Variants in PTPRT observed in about 807,000 individuals in gnomAD.
PTPRT encodes the protein receptor-type tyrosine-protein phosphatase T.
In PTPRT, 56 loss-of-function variants were observed where a neutral mutation model predicts 176.8. That is an observed-to-expected ratio of 0.32 (90% CI 0.26 to 0.40). PTPRT has a LOEUF of 0.40. Ranked by LOEUF, PTPRT falls within the 10% of genes least tolerant of loss-of-function variation. PTPRT has a pLI of 1.00. For missense variants in PTPRT, 1,540 were observed against 1,908.2 expected, an observed-to-expected ratio of 0.81 and a Z score of 3.60; for synonymous variants, 783 against 739.0, an observed-to-expected ratio of 1.06 and a Z score of -0.96.
In PTPRT at chr20:42,514,340, T is replaced by C. The variant is rs114020487; in HGVS notation, c.1154-41778A>G. Among the ~76,000 whole-genome samples, 444 of 152,346 alleles carry C rather than the reference T, an allele frequency of 2.9e-3. 4 individuals are homozygous for C. Among genetic ancestry groups the C allele is most frequent in the African/African-American group, 9.6e-3 (401 of 41,576 alleles). On this transcript the variant is annotated intron_variant, in intron 7 of 30. Transcript: ENST00000373187. ...TGGGATATGAAGTCATATCACCTAG[T>C]ACTTTTAATATCTGTTTCTAAGATT...
intron 6 of PTPRT, among the ~76,000 whole-genome samples, chr20:42,720,636 A>T (rs949355855): frequency 3.9e-5 from 6 of 152,196 alleles, no homozygotes; most frequent in Admixed American, 2.6e-4. Flanking sequence ...CATTATCAAA[A>T]TGTGGCTCCT....
At chr20:42,736,547 A>G (rs937574968) in intron 6 of PTPRT, among the ~76,000 whole-genome samples, 1 of 152,198 alleles carries the variant, frequency 6.6e-6, no homozygotes, top group Non-Finnish European at 1.5e-5. Context: ...CCATAACCTA[A>G]TGAACTTGGC....
intron 16 of PTPRT, among the ~76,000 whole-genome samples, chr20:42,167,932 C>A (rs1323308107): frequency 1.3e-5 from 2 of 152,256 alleles, no homozygotes; most frequent in Non-Finnish European, 1.5e-5. Flanking sequence ...AACTTAACTA[C>A]TAATAGCCTA....
chr20:43,020,391 G>A (rs182989217), intron 1 of PTPRT, among the ~76,000 whole-genome samples: 1 of 152,074 alleles, frequency 6.6e-6, no homozygotes, highest in African/African-American at 2.4e-5. Context: ...TAGGGAAACA[G>A]ACCTAGAGGC....
intron 1 of PTPRT, among the ~76,000 whole-genome samples, chr20:43,129,462 C>A (rs1178773904): frequency 6.6e-6 from 1 of 152,130 alleles, no homozygotes; most frequent in African/African-American, 2.4e-5. Flanking sequence ...CACACCCTTT[C>A]TGAGCCCACA....
At position 42,076,726 on chromosome 20, in the gene PTPRT, C is replaced by A; in HGVS notation, c.*4153G>T. Reference sequence around the variant, plus strand: ...GAACAGAACAGAACAACATGAGGAACAGAGCACATTTTTTTTTGAAATATT... The same window carrying A: ...GAACAGAACAGAACAACATGAGGAAAAGAGCACATTTTTTTTTGAAATATT... On this transcript the variant is annotated 3_prime_UTR_variant, in exon 31 of 31. Coordinates refer to ENST00000373187, the MANE Select transcript of PTPRT (RefSeq NM_007050.6). 1 of 200,558 alleles carries A rather than the reference C, an allele frequency of 5.0e-6. No homozygotes were observed. The highest frequency in any genetic ancestry group is 7.6e-5 in the East Asian group (1 of 13,162). 12.4% of individuals were successfully genotyped at this position (200,558 alleles called of 1,614,324 possible). A position where few individuals can be genotyped will look rare whatever the true frequency, so the allele number is the denominator to read the frequency against.
At chr20:42,765,149 G>A (rs902174048) in intron 5 of PTPRT, among the ~76,000 whole-genome samples, 1 of 152,178 alleles carries the variant, frequency 6.6e-6, no homozygotes, top group Non-Finnish European at 1.5e-5. Context: ...TGCACAGGGC[G>A]TTTGGACACA....
intron 2 of PTPRT, among the ~76,000 whole-genome samples, chr20:42,821,466 G>A (rs2077892664): frequency 6.6e-6 from 1 of 152,144 alleles, no homozygotes. Flanking sequence ...TATTGAACGG[G>A]CAAAAGCTGG....
intron 2 of PTPRT, among the ~76,000 whole-genome samples, chr20:42,838,720 G>A (rs1407930441): frequency 6.6e-6 from 1 of 152,200 alleles, no homozygotes; most frequent in African/African-American, 2.4e-5. Context: ...CTTCTCTGTG[G>A]AGGGTATCTC....
At chr20:42,401,293 CCT>C (rs2058904857) in intron 9 of PTPRT, among the ~76,000 whole-genome samples, 1 of 151,892 alleles carries the variant, frequency 6.6e-6, no homozygotes, top group African/African-American at 2.4e-5. Flanking sequence ...CTGAATATTC[CCT>C]GACAAGATAA....
At chr20:42,477,562 C>T (rs554505498) in intron 7 of PTPRT, among the ~76,000 whole-genome samples, 309 of 152,256 alleles carry the variant, frequency 2.0e-3, no homozygotes, top group African/African-American at 7.2e-3. Context: ...CTGGGGTTTA[C>T]ATTCGGGTTG....
At chr20:42,868,785 A>T (rs148611598) in intron 2 of PTPRT, among the ~76,000 whole-genome samples, 29 of 152,330 alleles carry the variant, frequency 1.9e-4, no homozygotes, top group African/African-American at 7.0e-4. Flanking sequence ...CTCTCATCAC[A>T]GGCCCAGAAT....
chr20:42,810,467 G>A (rs1296892282), intron 2 of PTPRT, among the ~76,000 whole-genome samples: 1 of 152,142 alleles, frequency 6.6e-6, no homozygotes, highest in Non-Finnish European at 1.5e-5. Flanking sequence ...CTCACCCCAC[G>A]GCTATGGGAC....
intron 18 of PTPRT, among the ~76,000 whole-genome samples, chr20:42,130,462 T>C (rs901336074): frequency 2.6e-5 from 4 of 152,178 alleles, no homozygotes; most frequent in African/African-American, 9.7e-5. Context: ...CCCTTTCTCC[T>C]TCTCTCCAAT....
chr20:42,829,956 T>C (rs933641659), intron 2 of PTPRT, among the ~76,000 whole-genome samples: 10 of 152,048 alleles, frequency 6.6e-5, no homozygotes, highest in African/African-American at 2.2e-4. Flanking sequence ...TGGTAATAAA[T>C]AGTCTACCAA....
rs1406742319 is a variant in PTPRT at position 42,075,796 on chromosome 20, AT to A, written c.*5082del. The A allele has an allele frequency of 4.9e-6, 1 of 202,856 alleles. No individual in the cohort carries two copies. The highest frequency in any genetic ancestry group is 1.0e-5 in the Non-Finnish European group (1 of 98,888). 12.6% of individuals were successfully genotyped at this position (202,856 alleles called of 1,614,324 possible). A position where few individuals can be genotyped will look rare whatever the true frequency, so the allele number is the denominator to read the frequency against. On this transcript the variant is annotated 3_prime_UTR_variant, in exon 31 of 31. Transcript: ENST00000373187. The stretch of plus-strand genomic sequence containing the variant: ...ACTTACAGCAAGAGCTAGTGTGGCA[AT>A]GGGGAGTGGAGGATGAATAAACATG...
chr20:42,473,046 C>A (rs1487914450), intron 7 of PTPRT, among the ~76,000 whole-genome samples: 3 of 152,204 alleles, frequency 2.0e-5, no homozygotes, highest in Non-Finnish European at 2.9e-5. Context: ...TAGCTGGAAA[C>A]TGAGTCACAG....
intron 7 of PTPRT, among the ~76,000 whole-genome samples, chr20:42,655,229 C>T (rs1187379847): frequency 2.0e-5 from 3 of 152,216 alleles, no homozygotes; most frequent in Non-Finnish European, 4.4e-5. Context: ...GTGGCTCACG[C>T]CTGTAATCCC....
chr20:42,902,422 T>A (rs2079417848), intron 1 of PTPRT, among the ~76,000 whole-genome samples: 1 of 152,114 alleles, frequency 6.6e-6, no homozygotes. Flanking sequence ...TGACCTGGCT[T>A]AAAGCAGCTC....
Sources: gnomAD v4.1 joint callset for allele counts (sites outside exome capture counted in the v4.1 genomes callset) on GRCh38, gnomAD v4.1.1 for gene constraint, MANE v1.5 for transcripts, NCBI Gene and HGNC (gene_info 2026-07-23, HGNC 2026-07-21) for gene names.